The following C9orf152 variants were observed in gnomAD, a reference collection of about 807,000 sequenced individuals.
The protein encoded by C9orf152 is chromosome 9 open reading frame 152.
Under a neutral mutation model 8.5 loss-of-function variants are expected in C9orf152, and 8 were observed. The observed-to-expected ratio is 0.94, with a 90% CI of 0.55 to 1.70. C9orf152 has a LOEUF of 1.70. Among genes scored for constraint, C9orf152 ranks in the 40% most tolerant of loss-of-function variants. The pLI, the probability that C9orf152 is intolerant of heterozygous loss-of-function variation, is 0.00. For synonymous variants in C9orf152, 109 were observed against 113.0 expected, an observed-to-expected ratio of 0.96 and a Z score of 0.22; for missense variants, 293 against 286.2, an observed-to-expected ratio of 1.02 and a Z score of -0.17.
intron 1 of C9orf152, among the ~76,000 whole-genome samples, chr9:110,203,693 G>A (rs997315079): frequency 6.6e-6 from 1 of 152,166 alleles, no homozygotes; most frequent in Non-Finnish European, 1.5e-5. Context: ...TATCTGTTTT[G>A]TTTTGGTTTT....
At chr9:110,203,019 T>G (rs1478850414) in intron 1 of C9orf152, among the ~76,000 whole-genome samples, 1 of 147,490 alleles carries the variant, frequency 6.8e-6, no homozygotes, top group African/African-American at 2.5e-5. Flanking sequence ...CACTTTTTTT[T>G]TTTTTTTTTT....
Position 110,207,645 on chromosome 9 carries a change from G to T in C9orf152, c.-66C>A. 1 of 1,271,700 alleles carries T rather than the reference G, an allele frequency of 7.9e-7. No individual in the cohort carries two copies. Among genetic ancestry groups the T allele is most frequent in the Non-Finnish European group, 1.1e-6 (1 of 944,756 alleles). 78.8% of individuals were successfully genotyped at this position (1,271,700 alleles called of 1,614,324 possible). A position where few individuals can be genotyped will look rare whatever the true frequency, so the allele number is the denominator to read the frequency against. On this transcript the variant is annotated 5_prime_UTR_variant, in exon 1 of 2. Transcript: ENST00000400613. ...GACCTGGGGAGGGGAGAGAGAGGGAGGGGGCAGTGAGGGAGAAGGAGAAGT... is the reference window on the plus strand; with the variant it reads ...GACCTGGGGAGGGGAGAGAGAGGGATGGGGCAGTGAGGGAGAAGGAGAAGT...
chr9:110,201,116 A>G lies in C9orf152; in HGVS notation c.552T>C (p.Asn184=), dbSNP rs200842034. 23 of 1,614,032 alleles carry G rather than the reference A, an allele frequency of 1.4e-5. No individual in the cohort carries two copies. Among genetic ancestry groups the G allele is most frequent in the Non-Finnish European group, 3.4e-6 (4 of 1,180,050 alleles). ...EAAQLPCQVG[N]TQTKAVESGL... is the part of the protein sequence containing the mutation. ...CAGATTCCACTGCCTTTGTTTGGGTATTGCCCACCTGGCATGGAAGCTGGG... is the reference window on the plus strand; with the variant it reads ...CAGATTCCACTGCCTTTGTTTGGGTGTTGCCCACCTGGCATGGAAGCTGGG... Residue 184 remains asparagine (N), a synonymous_variant, in exon 2 of 2, where the codon AAT becomes AAC. Coordinates refer to ENST00000400613, the MANE Select transcript of C9orf152 (RefSeq NM_001012993.3).
intron 1 of C9orf152, among the ~76,000 whole-genome samples, chr9:110,201,812 G>C (rs573148005): frequency 6.6e-6 from 1 of 152,286 alleles, no homozygotes; most frequent in Non-Finnish European, 1.5e-5. Context: ...GGTGTGTCCT[G>C]GTTGAGTAGA....
chr9:110,201,348 T>G lies in C9orf152; in HGVS notation c.320A>C (p.Gln107Pro). The change falls in exon 2 of 2, where the codon CAG (glutamine) becomes CCG (proline). Residue 107 changes from glutamine to proline, a missense_variant. By Grantham distance (76) the Gln-to-Pro change is moderately conservative. Transcript: ENST00000400613. ...AGACTTGGGGGCCTGAAGGCAGCCC[T>G]GGGCAGCCTCCTCCAGCCTCCCCTC... ...EVEGRLEEAA[Q>P]GCLQAPKSPW... 5.6e-6 allele frequency: 9 copies of G among 1,609,608 alleles called. No individual in the cohort carries two copies. The highest frequency in any genetic ancestry group is 7.6e-6 in the Non-Finnish European group (9 of 1,177,754).
chr9:110,204,763 C>T (rs905612088), intron 1 of C9orf152, among the ~76,000 whole-genome samples: 18 of 152,102 alleles, frequency 1.2e-4, no homozygotes, highest in Admixed American at 1.0e-3. Context: ...CAATAACGCC[C>T]CACTTCCCCA....
chr9:110,200,224 GAA>G lies in C9orf152; in HGVS notation c.*722_*723del, dbSNP rs1837197768. On this transcript the variant is annotated 3_prime_UTR_variant, in exon 2 of 2. Transcript: ENST00000400613. Reference sequence around the variant, plus strand: ...GGAGGGAGAGACAGAAGGAAGGAAGGAAGGAAGGAAGGAAGGAAGGAAGGAGA... The same window carrying G: ...GGAGGGAGAGACAGAAGGAAGGAAGGGGAAGGAAGGAAGGAAGGAAGGAGA... The G allele has an allele frequency of 1.9e-5, 2 of 103,660 alleles. No homozygotes were observed. The highest frequency in any genetic ancestry group is 5.7e-5 in the African/African-American group (2 of 34,862). The allele number at this position is 103,660 out of a possible 1,614,324, so 6.4% of individuals were successfully genotyped here. A position where few individuals can be genotyped will look rare whatever the true frequency, so the allele number is the denominator to read the frequency against.
intron 1 of C9orf152, among the ~76,000 whole-genome samples, chr9:110,206,264 C>T (rs1837273441): frequency 6.6e-6 from 1 of 152,080 alleles, no homozygotes; most frequent in Non-Finnish European, 1.5e-5. Context: ...AGTGAATTCT[C>T]TGGGGGCATG....
intron 1 of C9orf152, 136 bp from the exon 2 acceptor site, chr9:110,201,610 G>T: frequency 1.7e-6 from 1 of 587,834 alleles, no homozygotes. Flanking sequence ...GTGTACATGT[G>T]TACACACACA....
In C9orf152 at chr9:110,201,224, A is replaced by G. The variant is rs10120707; in HGVS notation, c.444T>C (p.Asp148=). Residue 148 remains aspartate, a synonymous_variant, in exon 2 of 2, where the codon GAT becomes GAC. Transcript: ENST00000400613. ...VHHRGKLVGS[D]QRLPPEGDTH... ...TGTCTCCTTCAGGAGGGAGCCTTTG[A>G]TCAGATCCCACAAGCTTGCCCCTAT... The G allele has an allele frequency of 0.91, 1,470,664 of 1,614,062 alleles. 670,887 individuals are homozygous for G. The highest frequency in any genetic ancestry group is 1 in the East Asian group (44,833 of 44,844).
intron 1 of C9orf152, 70 bp from the exon 2 acceptor site, chr9:110,201,544 A>C: frequency 2.7e-4 from 349 of 1,309,304 alleles, no homozygotes; most frequent in Non-Finnish European, 3.4e-4. Context: ...AGGGGGTCTC[A>C]TTGCTTTCAA....
rs909676106 is a variant in C9orf152, at chr9:110,204,578, C to T, written c.193+2809G>A. Among the ~76,000 whole-genome samples, 4 of 152,118 alleles carry T rather than the reference C, an allele frequency of 2.6e-5. 1 individual carries two copies. The highest frequency in any genetic ancestry group is 2.0e-4 in the Admixed American group (3 of 15,272). Reference sequence around the variant, plus strand: ...CAGCTTGGCTTCATGACATTAATTGCTCTTGATTTTCTTATACCACTTAAA... The same window carrying T: ...CAGCTTGGCTTCATGACATTAATTGTTCTTGATTTTCTTATACCACTTAAA... On this transcript the variant is annotated intron_variant, in intron 1 of 1. Transcript: ENST00000400613.
At position 110,205,337 on chromosome 9, in the gene C9orf152, A is replaced by G. The variant is rs770257320; in HGVS notation, c.193+2050T>C. 7.2e-5 allele frequency among the ~76,000 whole-genome samples: 11 copies of G among 152,298 alleles called. 1 individual carries two copies. The highest frequency in any genetic ancestry group is 3.4e-3 in the Middle Eastern group (1 of 294). On this transcript the variant is annotated intron_variant, in intron 1 of 1. Coordinates refer to ENST00000400613, the MANE Select transcript of C9orf152 (RefSeq NM_001012993.3). ...AGATACCACCATCTATCCTGTTGCT[A>G]AAGTATAGGGGACAATTAATTGCTC...
In C9orf152 at chr9:110,207,684, A is replaced by G; in HGVS notation, c.-105T>C. Reference sequence around the variant, plus strand: ...AGAAGGAGAAGTGACGGGCAAAAGGAGGGTGGAAAGAGGAGTGGGACTGAG... The same window carrying G: ...AGAAGGAGAAGTGACGGGCAAAAGGGGGGTGGAAAGAGGAGTGGGACTGAG... On this transcript the variant is annotated 5_prime_UTR_variant, in exon 1 of 2. Transcript: ENST00000400613. The G allele has an allele frequency of 1.2e-6, 1 of 818,570 alleles. No individual in the cohort carries two copies. The highest frequency in any genetic ancestry group is 1.8e-6 in the Non-Finnish European group (1 of 550,330). 50.7% of individuals were successfully genotyped at this position (818,570 alleles called of 1,614,324 possible).
At chr9:110,207,298 G>A in intron 1 of C9orf152, 89 bp downstream of exon 1, 1 of 1,449,446 alleles carries the variant, frequency 6.9e-7, no homozygotes, top group South Asian at 1.2e-5. Context: ...AGGGAGGGCT[G>A]GCAAAGCCCT....
rs142843985 is a variant in C9orf152, at chr9:110,207,642, G to A, written c.-63C>T. On this transcript the variant is annotated 5_prime_UTR_variant, in exon 1 of 2. Transcript: ENST00000400613. ...CAGGACCTGGGGAGGGGAGAGAGAG[G>A]GAGGGGGCAGTGAGGGAGAAGGAGA... 423 of 1,291,258 alleles carry A rather than the reference G, an allele frequency of 3.3e-4. 3 individuals carry two copies. In the East Asian group the frequency reaches 0.011, roughly 33 times the overall value. The allele number at this position is 1,291,258 out of a possible 1,614,324, so 80.0% of individuals were successfully genotyped here.
intron 1 of C9orf152, among the ~76,000 whole-genome samples, chr9:110,202,805 G>A (rs1837238014): frequency 6.6e-6 from 1 of 151,988 alleles, no homozygotes. Flanking sequence ...AGCAAGAGTG[G>A]GGAGATGATG....
Position 110,207,387 on chromosome 9 carries a change from C to G in C9orf152, c.193G>C (p.Gly65Arg), listed in dbSNP as rs369529227. Reference protein sequence around the residue: ...TQAHLLVLPKGGNTPAPAESM... With the variant: ...TQAHLLVLPKRGNTPAPAESM... ...TTCCCCAGCACCTGTCCATTCCTAC[C>G]TTTTGGAAGCACCAGGAGGTGGGCC... Residue 65 changes from glycine to arginine, a missense_variant and splice_region_variant, in exon 1 of 2, where the codon GGA becomes CGA. Coordinates refer to ENST00000400613, the MANE Select transcript of C9orf152 (RefSeq NM_001012993.3). 5 of 1,611,880 alleles carry G rather than the reference C, an allele frequency of 3.1e-6. No homozygotes were observed. The African/African-American group carries it at 4.0e-5, about 13-fold the overall frequency.
Position 110,208,027 on chromosome 9 carries a change from C to T in C9orf152, c.-448G>A, listed in dbSNP as rs1482272435. Reference sequence around the variant, plus strand: ...GGGGGAGCAAAGAGAAAGGCAAGCCCAGCTGCTCAGAGCCCTTCAGGGGGG... The same window carrying T: ...GGGGGAGCAAAGAGAAAGGCAAGCCTAGCTGCTCAGAGCCCTTCAGGGGGG... On this transcript the variant is annotated 5_prime_UTR_variant, in exon 1 of 2. Coordinates refer to ENST00000400613, the MANE Select transcript of C9orf152 (RefSeq NM_001012993.3). The T allele has an allele frequency of 2.8e-5, 5 of 178,708 alleles. No homozygotes were observed. The highest frequency in any genetic ancestry group is 4.8e-5 in the African/African-American group (2 of 41,522). 11.1% of individuals were successfully genotyped at this position (178,708 alleles called of 1,614,324 possible). A position where few individuals can be genotyped will look rare whatever the true frequency, so the allele number is the denominator to read the frequency against.
Sources: allele counts gnomAD v4.1 joint callset (sites outside exome capture counted in the v4.1 genomes callset), GRCh38; gene constraint gnomAD v4.1.1; transcripts MANE v1.5; gene names NCBI Gene and HGNC (gene_info 2026-07-23, HGNC 2026-07-21).